Variants in SCHIP1 observed in about 807,000 individuals in gnomAD.
SCHIP1 encodes schwannomin interacting protein 1.
Under a neutral mutation model 29.7 loss-of-function variants are expected in SCHIP1, and 8 were observed. The ratio of observed to expected loss-of-function variants is 0.27; its 90% confidence interval spans 0.16 to 0.49. The LOEUF (loss-of-function observed/expected upper bound fraction) is 0.49, where lower values mean the gene tolerates loss of function less well. SCHIP1 is among the 20% of genes least tolerant of loss of function. SCHIP1 has a pLI of 0.99. For missense variants in SCHIP1, 193 were observed against 294.6 expected, an observed-to-expected ratio of 0.66 and a Z score of 2.52; for synonymous variants, 76 against 94.9, an observed-to-expected ratio of 0.80 and a Z score of 1.16.
the SCHIP1 span, among the ~76,000 whole-genome samples, chr3:159,767,221 A>G: frequency 1.3e-5 from 2 of 152,238 alleles, no homozygotes; most frequent in African/African-American, 2.4e-5. Context: ...TAAGTTTCCC[A>G]TGAAATCACC....
At chr3:159,695,648 C>G in the SCHIP1 span, among the ~76,000 whole-genome samples, 1 of 152,174 alleles carries the variant, frequency 6.6e-6, no homozygotes, top group African/African-American at 2.4e-5. Context: ...TGGATTTCCA[C>G]CTTGGCTACA....
the SCHIP1 span, among the ~76,000 whole-genome samples, chr3:159,563,764 A>G: frequency 7.2e-5 from 11 of 152,292 alleles, no homozygotes; most frequent in East Asian, 2.1e-3. Context: ...CTTCAAGGTT[A>G]TAGTGAGCTA....
the SCHIP1 span, among the ~76,000 whole-genome samples, chr3:159,583,765 C>A: frequency 2.6e-4 from 39 of 152,256 alleles, no homozygotes; most frequent in African/African-American, 8.7e-4. Context: ...ATGGTAGGAA[C>A]AGTAAGTATC....
chr3:159,528,520 A>G, the SCHIP1 span, among the ~76,000 whole-genome samples: 1 of 152,120 alleles, frequency 6.6e-6, no homozygotes, highest in South Asian at 2.1e-4. Context: ...TGCCTCTCTC[A>G]TGTAGTCACT....
chr3:159,492,625 T>C, the SCHIP1 span, among the ~76,000 whole-genome samples: 1 of 152,176 alleles, frequency 6.6e-6, no homozygotes, highest in African/African-American at 2.4e-5. Context: ...CTACGTCTAA[T>C]TGCTGTACCT....
At chr3:159,443,601 G>A in the SCHIP1 span, among the ~76,000 whole-genome samples, 3 of 151,976 alleles carry the variant, frequency 2.0e-5, no homozygotes, top group South Asian at 2.1e-4. Context: ...CTCTGCCTCC[G>A]GGGTTCAAGC....
At chr3:159,747,104 C>G in the SCHIP1 span, among the ~76,000 whole-genome samples, 140 of 152,300 alleles carry the variant, frequency 9.2e-4, no homozygotes, top group Middle Eastern at 3.4e-3. Flanking sequence ...CAACCCAGTA[C>G]CTGGCACATA....
chr3:159,877,937 G>C (rs1408926877), intron 2 of SCHIP1, among the ~76,000 whole-genome samples: 1 of 152,158 alleles, frequency 6.6e-6, no homozygotes, highest in Admixed American at 6.5e-5. Context: ...GATTGAGGAG[G>C]GATGTCAACA....
chr3:159,779,761 A>AT, the SCHIP1 span, among the ~76,000 whole-genome samples: 61 of 151,634 alleles, frequency 4.0e-4, no homozygotes, highest in African/African-American at 1.3e-3. Context: ...CTTTTGTTTA[A>AT]TTTTTTTTTA....
chr3:159,281,980 CT>C, the SCHIP1 span, among the ~76,000 whole-genome samples: 1 of 151,764 alleles, frequency 6.6e-6, no homozygotes, highest in Non-Finnish European at 1.5e-5. Flanking sequence ...TTTCACTGTG[CT>C]TTTAAAAACT....
chr3:159,860,007 G>GTC (rs1553796514), intron 1 of SCHIP1, among the ~76,000 whole-genome samples: 3 of 151,556 alleles, frequency 2.0e-5, no homozygotes, highest in African/African-American at 7.3e-5. Context: ...GTGTGTGTGT[G>GTC]TGTCTGTCTG....
the SCHIP1 span, among the ~76,000 whole-genome samples, chr3:159,510,095 G>T: frequency 3.2e-4 from 49 of 152,248 alleles, 1 homozygote; most frequent in African/African-American, 5.8e-4. Flanking sequence ...GCCATCACTT[G>T]CAGGTACACC....
the SCHIP1 span, among the ~76,000 whole-genome samples, chr3:159,747,227 G>A: frequency 2.6e-5 from 4 of 152,274 alleles, no homozygotes; most frequent in South Asian, 2.1e-4. Flanking sequence ...AGAAGTCTGG[G>A]CCAACAGTCT....
chr3:159,724,684 G>A, the SCHIP1 span, among the ~76,000 whole-genome samples: 1 of 152,120 alleles, frequency 6.6e-6, no homozygotes. Flanking sequence ...TATCGGGGAG[G>A]ATGTCAAGAA....
the SCHIP1 span, among the ~76,000 whole-genome samples, chr3:159,333,942 C>T: frequency 2.6e-5 from 4 of 152,014 alleles, no homozygotes; most frequent in Non-Finnish European, 5.9e-5. Flanking sequence ...TAAGAATGAA[C>T]GATATCTCCC....
At chr3:159,408,161 G>C in the SCHIP1 span, among the ~76,000 whole-genome samples, 1 of 152,032 alleles carries the variant, frequency 6.6e-6, no homozygotes, top group Non-Finnish European at 1.5e-5. Context: ...AGCCGGGCAT[G>C]GTGGCAGGCA....
At chr3:159,601,668 A>G in the SCHIP1 span, among the ~76,000 whole-genome samples, 1 of 152,230 alleles carries the variant, frequency 6.6e-6, no homozygotes, top group African/African-American at 2.4e-5. Context: ...CATTTCCCAC[A>G]GCCCCAGACA....
the SCHIP1 span, among the ~76,000 whole-genome samples, chr3:159,663,892 A>G: frequency 5.9e-5 from 9 of 152,324 alleles, no homozygotes; most frequent in Non-Finnish European, 1.3e-4. Context: ...TTTCAACACA[A>G]TATAGTAGGA....
At chr3:159,760,196 A>G in the SCHIP1 span, among the ~76,000 whole-genome samples, 1 of 152,174 alleles carries the variant, frequency 6.6e-6, no homozygotes, top group East Asian at 1.9e-4. Flanking sequence ...AAATATTGCT[A>G]GACTTGGTGG....
Sources: gnomAD v4.1 joint callset for allele counts (sites outside exome capture counted in the v4.1 genomes callset) on GRCh38, gnomAD v4.1.1 for gene constraint, MANE v1.5 for transcripts, NCBI Gene and HGNC (gene_info 2026-07-23, HGNC 2026-07-21) for gene names.